Variants in RANBP10 observed in about 807,000 individuals in gnomAD.
The protein encoded by RANBP10 is RAN binding protein 10, also known as ran-binding protein 10.
A neutral mutation model predicts 72.8 loss-of-function variants in RANBP10; 24 were observed. The ratio of observed to expected loss-of-function variants is 0.33; its 90% CI spans 0.24 to 0.46. The LOEUF (loss-of-function observed/expected upper bound fraction) is 0.46, where lower values mean the gene tolerates loss of function less well. Ranked by LOEUF, RANBP10 falls within the 20% of genes least tolerant of loss-of-function variation. The pLI is 1.00. For missense variants in RANBP10, 679 were observed against 817.5 expected, an observed-to-expected ratio of 0.83 and a Z score of 2.07; for synonymous variants, 310 against 322.3, an observed-to-expected ratio of 0.96 and a Z score of 0.41.
At chr16:67,738,819 A>C (rs2053909594) in intron 4 of RANBP10, 1 of 152,220 alleles carries the variant, frequency 6.6e-6, no homozygotes, top group South Asian at 2.1e-4. Context: ...AAGTGAAATC[A>C]GATGCTTAGG....
Position 67,735,011 on chromosome 16 carries a change from G to A in RANBP10, c.623C>T (p.Thr208Ile). Residue 208 changes from threonine (T) to isoleucine (I), a missense_variant, in exon 6 of 14, where the codon ACA becomes ATA. By Grantham distance (89) the Thr-to-Ile change is moderately conservative (BLOSUM62 -1). Coordinates refer to ENST00000317506, the MANE Select transcript of RANBP10 (RefSeq NM_020850.3). Reference protein sequence around the residue: ...ANLYPTVGLQTPGEIVDANFG... With the variant: ...ANLYPTVGLQIPGEIVDANFG... ...GTTGGCGTCCACAATCTCCCCAGGT[G>A]TCTGCAGGCCTACGGTGGGGTAGAG... is the stretch of plus-strand genomic sequence containing the variant. 2 of 1,612,402 alleles carry A rather than the reference G, an allele frequency of 1.2e-6. No individual in the cohort carries two copies. Among genetic ancestry groups the A allele is most frequent in the Non-Finnish European group, 1.7e-6 (2 of 1,178,944 alleles).
chr16:67,743,780 C>A (rs2054014551), intron 4 of RANBP10, among the ~76,000 whole-genome samples: 1 of 152,180 alleles, frequency 6.6e-6, no homozygotes, highest in South Asian at 2.1e-4. Context: ...CATGGTTTCA[C>A]CAGAAGCCTT....
At chr16:67,743,547 C>T (rs903366813) in intron 4 of RANBP10, among the ~76,000 whole-genome samples, 3 of 152,218 alleles carry the variant, frequency 2.0e-5, no homozygotes, top group African/African-American at 7.2e-5. Context: ...AGGGATCCCA[C>T]GGGCCCCATC....
chr16:67,791,933 C>T (rs1176550347), intron 2 of RANBP10, among the ~76,000 whole-genome samples: 2 of 151,880 alleles, frequency 1.3e-5, no homozygotes, highest in East Asian at 3.9e-4. Context: ...GTAATACCAG[C>T]CTTTGATAGG....
intron 2 of RANBP10, among the ~76,000 whole-genome samples, chr16:67,799,696 A>T (rs1466290484): frequency 6.6e-6 from 1 of 152,036 alleles, no homozygotes; most frequent in Non-Finnish European, 1.5e-5. Context: ...CACCTCTTAT[A>T]TGATTCTATG....
chr16:67,799,894 G>A (rs538778623), intron 2 of RANBP10, among the ~76,000 whole-genome samples: 7 of 152,196 alleles, frequency 4.6e-5, no homozygotes, highest in African/African-American at 1.7e-4. Flanking sequence ...AGGCTGAGGA[G>A]GGCAGATCAT....
intron 2 of RANBP10, among the ~76,000 whole-genome samples, chr16:67,798,111 C>T (rs533318251): frequency 6.6e-6 from 1 of 152,020 alleles, no homozygotes; most frequent in South Asian, 2.1e-4. Flanking sequence ...CATTCCATGT[C>T]TCCACAAATA....
intron 3 of RANBP10, among the ~76,000 whole-genome samples, chr16:67,766,490 C>G (rs1170965240): frequency 1.3e-5 from 2 of 152,064 alleles, no homozygotes; most frequent in African/African-American, 4.8e-5. Flanking sequence ...TGGCTTGGTG[C>G]CCTCCCAGCG....
chr16:67,731,328 C>T, intron 7 of RANBP10, 144 bp downstream of exon 7: 1 of 645,730 alleles, frequency 1.5e-6, no homozygotes, highest in African/African-American at 1.8e-5. Flanking sequence ...GAAGGTGGGA[C>T]AGGAACATGG....
At chr16:67,736,183 C>T (rs1461044255) in intron 5 of RANBP10, among the ~76,000 whole-genome samples, 1 of 151,434 alleles carries the variant, frequency 6.6e-6, no homozygotes. Flanking sequence ...TTTTTTGAGA[C>T]GGAGTTTCGC....
At chr16:67,786,346 A>C (rs2054917408) in intron 2 of RANBP10, among the ~76,000 whole-genome samples, 1 of 152,148 alleles carries the variant, frequency 6.6e-6, no homozygotes, top group Non-Finnish European at 1.5e-5. Context: ...TAAAAATAAA[A>C]ATAAAAAATA....
rs1175223051 is a variant in RANBP10 at position 67,728,432 on chromosome 16, C to A, written c.1432G>T (p.Ala478Ser). The change falls in exon 11 of 14, where the codon GCC becomes TCC. Residue 478 changes from alanine to serine, a missense_variant. Coordinates refer to ENST00000317506, the MANE Select transcript of RANBP10 (RefSeq NM_020850.3). The part of the protein sequence containing the change: ...GSMSTRIVNG[A>S]YKHEDLQTDE... ...GTCTGCAGGTCCTCATGCTTGTAGG[C>A]ACCATTAACAATGCGTGTGGACATG... is the stretch of plus-strand genomic sequence containing the variant. 3 of 1,614,076 alleles carry A rather than the reference C, an allele frequency of 1.9e-6. No homozygotes were observed.
chr16:67,770,909 C>T lies in RANBP10; in HGVS notation c.400+1125G>A, dbSNP rs754864557. On this transcript the variant is annotated intron_variant, in intron 3 of 13. Transcript: ENST00000317506. ...GGTTGAGAAGGTGGTGCCAAGATCG[C>T]GCCACTACACTCCAGCCTGGGTGAA... Among the ~76,000 whole-genome samples, 5 of 152,122 alleles carry T rather than the reference C, an allele frequency of 3.3e-5. No individual in the cohort carries two copies. The East Asian group carries it at 5.8e-4, about 18-fold the overall frequency.
chr16:67,780,524 G>C (rs2143014991), intron 2 of RANBP10, among the ~76,000 whole-genome samples: 1 of 152,242 alleles, frequency 6.6e-6, no homozygotes, highest in Non-Finnish European at 1.5e-5. Flanking sequence ...AAGGCGGGAA[G>C]ATCATTGGAA....
chr16:67,778,211 T>C (rs182006812), intron 2 of RANBP10, among the ~76,000 whole-genome samples: 164 of 152,234 alleles, frequency 1.1e-3, no homozygotes, highest in Non-Finnish European at 1.9e-3. Context: ...TAGCTGGGCA[T>C]AGTGGCGCAT....
intron 2 of RANBP10, among the ~76,000 whole-genome samples, chr16:67,804,915 C>G (rs1414228606): frequency 2.0e-5 from 3 of 152,146 alleles, no homozygotes; most frequent in Non-Finnish European, 4.4e-5. Context: ...AGTTTATGAG[C>G]AGCAAGGTCA....
rs956455205 is a variant in RANBP10 at position 67,730,594 on chromosome 16, C to G, written c.890-548G>C. On this transcript the variant is annotated intron_variant, in intron 7 of 13. Coordinates refer to ENST00000317506, the MANE Select transcript of RANBP10 (RefSeq NM_020850.3). This position sits in a 1 kb window ranked among gnomAD's most constrained non-coding sequence, Gnocchi z 4.3. ...GCACCTCTGATGTTGACACCTCTCA[C>G]GCCATCAGCATCTTGCTGCTGCCTT... Among the ~76,000 whole-genome samples the G allele has an allele frequency of 6.6e-6, 1 of 152,190 alleles. No homozygotes were observed. The highest frequency in any genetic ancestry group is 2.4e-5 in the African/African-American group (1 of 41,454).
Position 67,723,816 on chromosome 16 carries a change from G to C in RANBP10, c.*2612C>G, listed in dbSNP as rs1199614155. On this transcript the variant is annotated 3_prime_UTR_variant, in exon 14 of 14. Coordinates refer to ENST00000317506, the MANE Select transcript of RANBP10 (RefSeq NM_020850.3). ...TCCTGGAAGCAGGCTGGTAGGACTG[G>C]ATGTGCATAAGGGGCACCTCTGGCT... 2 of 152,542 alleles carry C rather than the reference G, an allele frequency of 1.3e-5. No individual in the cohort carries two copies. The highest frequency in any genetic ancestry group is 6.5e-5 in the Admixed American group (1 of 15,306). 9.4% of individuals were successfully genotyped at this position (152,542 alleles called of 1,614,324 possible).
At chr16:67,779,075 G>A (rs2054765317) in intron 2 of RANBP10, among the ~76,000 whole-genome samples, 1 of 151,424 alleles carries the variant, frequency 6.6e-6, no homozygotes, top group Admixed American at 6.6e-5. Context: ...GGGTGACAAA[G>A]TGAGACACTG....
Sources: allele counts gnomAD v4.1 joint callset (sites outside exome capture counted in the v4.1 genomes callset), GRCh38; gene constraint gnomAD v4.1.1; non-coding constraint Gnocchi (gnomAD v3.1); transcripts MANE v1.5; gene names NCBI Gene and HGNC (gene_info 2026-07-23, HGNC 2026-07-21).